Variants in WDR45 observed in about 807,000 individuals in gnomAD.
WDR45 encodes WD repeat domain 45.
WDR45 carries 2 observed loss-of-function variants against 27.3 expected under a neutral mutation model. That is an observed-to-expected ratio of 0.07 (90% CI 0.03 to 0.23). The LOEUF is 0.23. Ranked by LOEUF, WDR45 falls within the 10% of genes least tolerant of loss-of-function variation. The pLI is 1.00. For synonymous variants in WDR45, 99 were observed against 119.2 expected (o/e 0.83, Z 1.11); for missense variants, 175 against 311.9 (o/e 0.56, Z 3.31).
upstream of WDR45, among the ~76,000 whole-genome samples, chrX:49,081,005 C>A (rs1010842252): frequency 1.0e-5 from 1 of 100,496 alleles, no homozygotes; most frequent in Non-Finnish European, 2.0e-5. Flanking sequence ...TCAAGGGATT[C>A]TTCTGCCTCA....
rs1557084004 is a variant in WDR45 at position 49,075,469 on chromosome X, G to C, written c.726-4C>G. On this transcript the variant is annotated splice_polypyrimidine_tract_variant and splice_region_variant and intron_variant, in intron 8 of 10. Transcript: ENST00000376372. ...GGAGTCGTGGCTGAAGTTAATGCTA[G>C]AAGACAGATCAGCAGTGATGCCCAC... is the stretch of plus-strand genomic sequence containing the variant. 8.3e-7 allele frequency: 1 copy of C among 1,210,681 alleles called. No homozygotes were observed. The highest frequency in any genetic ancestry group is 3.0e-5 in the East Asian group (1 of 33,828).
chrX:49,077,119 C>T, intron 4 of WDR45: 1 of 209,943 alleles, frequency 4.8e-6, no homozygotes, highest in East Asian at 1.1e-4. Flanking sequence ...GTGAGGAATC[C>T]TAGGGCTCTG....
At position 49,074,850 on chromosome X, in the gene WDR45, C is replaced by T; in HGVS notation, c.1036G>A (p.Glu346Lys). Reference sequence around the variant, plus strand: ...ATGTCAAGGTACACGTCGAAAGCCTCTCTGTTGCAGTTTCCATCAGGAGTG... The same window carrying T: ...ATGTCAAGGTACACGTCGAAAGCCTTTCTGTTGCAGTTTCCATCAGGAGTG... ...VFTPDGNCNR[E>K]AFDVYLDICD... Residue 346 changes from glutamate to lysine, a missense_variant, in exon 11 of 11, where the codon GAG becomes AAG. Glu to Lys is a moderately conservative substitution (Grantham distance 56). Coordinates refer to ENST00000376372, the MANE Select transcript of WDR45 (RefSeq NM_001029896.2). 1 of 1,211,845 alleles carries T rather than the reference C, an allele frequency of 8.3e-7. No homozygotes were observed. The highest frequency in any genetic ancestry group is 1.1e-6 in the Non-Finnish European group (1 of 895,420).
At chrX:49,076,083 G>A (rs2065035650) in intron 6 of WDR45, 138 bp from the exon 7 acceptor site, 1 of 531,866 alleles carries the variant, frequency 1.9e-6, no homozygotes, top group South Asian at 3.0e-5. Flanking sequence ...GCTCAGCTCA[G>A]CTGCACGCCC....
At chrX:49,086,988 G>A (rs1387747907) in intron 2 of WDR45, among the ~76,000 whole-genome samples, 1 of 110,739 alleles carries the variant, frequency 9.0e-6, no homozygotes, top group Admixed American at 9.7e-5. Flanking sequence ...TCCCAGCCTA[G>A]TTTTATTTTC....
chrX:49,096,456 C>T (rs1255772920), intron 2 of WDR45, among the ~76,000 whole-genome samples: 1 of 112,185 alleles, frequency 8.9e-6, no homozygotes, highest in African/African-American at 3.2e-5. Flanking sequence ...GTCTTGAACT[C>T]TGGAGCTCAA....
chrX:49,090,935 G>T lies in WDR45; in HGVS notation c.-18+9270C>A, dbSNP rs782495620. 2.8e-5 allele frequency among the ~76,000 whole-genome samples: 3 copies of T among 107,216 alleles called. No individual in the cohort carries two copies. In the South Asian group the frequency reaches 1.2e-3, roughly 44 times the overall value. 93.1% of individuals were successfully genotyped at this position (107,216 alleles called of 115,157 possible). ...TGCAACCTCTGCCTCCCAGGTTCAC[G>T]CCATTCTCCTGCCGCAGCCTCCCAA... On this transcript the variant is annotated intron_variant, in intron 2 of 11. Coordinates refer to the WDR45 transcript ENST00000356463.
chrX:49,087,823 G>A (rs916697041), intron 2 of WDR45, among the ~76,000 whole-genome samples: 2 of 112,481 alleles, frequency 1.8e-5, no homozygotes, highest in Non-Finnish European at 3.8e-5. Flanking sequence ...TGTTTTAGCC[G>A]GAGGTTGAGG....
rs1557083997 is a variant in WDR45 at position 49,075,449 on chromosome X, C to T, written c.742G>A (p.Asp248Asn). Residue 248 changes from aspartate (D) to asparagine (N), a missense_variant, in exon 9 of 11, where the codon GAC becomes AAC. By Grantham distance (23) the Asp-to-Asn change is conservative (BLOSUM62 1). This residue lies in a region of WDR45 where 71 missense variants were observed against 123.0 expected (regional missense o/e 0.58). Coordinates refer to ENST00000376372, the MANE Select transcript of WDR45 (RefSeq NM_001029896.2). ...ATLYCINFSH[D>N]SSFLCASSDK... is the part of the protein sequence containing the mutation. ...CTGGAAGCGCAGAGGAAGGAGGAGT[C>T]GTGGCTGAAGTTAATGCTAGAAGAC... 13 of 1,208,322 alleles carry T rather than the reference C, an allele frequency of 1.1e-5. No individual in the cohort carries two copies. In the South Asian group the frequency reaches 1.2e-4, roughly 11 times the overall value.
At chrX:49,090,741 T>A (rs1557086499) in intron 2 of WDR45, among the ~76,000 whole-genome samples, 1 of 109,349 alleles carries the variant, frequency 9.1e-6, no homozygotes, top group Non-Finnish European at 1.9e-5. Flanking sequence ...TTTCACCACA[T>A]TGGCTAGGCT....
chrX:49,084,427 T>C (rs1557085556), upstream of WDR45, among the ~76,000 whole-genome samples: 1 of 108,758 alleles, frequency 9.2e-6, no homozygotes, highest in Non-Finnish European at 1.9e-5. Context: ...TGGTGGCTCA[T>C]GCCTGTAATC....
At chrX:49,078,394 C>T (rs896352081) in intron 1 of WDR45, among the ~76,000 whole-genome samples, 1 of 111,940 alleles carries the variant, frequency 8.9e-6, no homozygotes, top group Non-Finnish European at 1.9e-5. Flanking sequence ...TGGTGGGGGG[C>T]ACCTATAATC....
At chrX:49,094,894 C>G (rs1018141318) in intron 2 of WDR45, among the ~76,000 whole-genome samples, 8 of 109,819 alleles carry the variant, frequency 7.3e-5, no homozygotes, top group Non-Finnish European at 1.5e-4. Flanking sequence ...TGTGCAAGAC[C>G]AGCTTGGCCC....
At chrX:49,092,213 AT>A (rs2065110042) in intron 2 of WDR45, among the ~76,000 whole-genome samples, 1 of 107,670 alleles carries the variant, frequency 9.3e-6, no homozygotes, top group Non-Finnish European at 1.9e-5. Context: ...TTTGTATGCT[AT>A]AGTAACAAAG....
intron 4 of WDR45, chrX:49,077,376 A>G (rs1382909962): frequency 2.4e-6 from 1 of 410,784 alleles, no homozygotes; most frequent in African/African-American, 2.5e-5. Flanking sequence ...TAAATGAGTT[A>G]ATAAACGTAA....
At chrX:49,097,127 T>C (rs2065128300) in intron 2 of WDR45, among the ~76,000 whole-genome samples, 1 of 111,982 alleles carries the variant, frequency 8.9e-6, no homozygotes, top group South Asian at 3.6e-4. Context: ...TTAGCATTTG[T>C]ACTTTTCAAA....
chrX:49,094,556 G>GA (rs782712150), intron 2 of WDR45, among the ~76,000 whole-genome samples: 2 of 110,640 alleles, frequency 1.8e-5, no homozygotes, highest in South Asian at 7.7e-4. Context: ...ATACTCTAGA[G>GA]ATGTCATTAC....
At chrX:49,087,882 G>C (rs925296442) in intron 2 of WDR45, among the ~76,000 whole-genome samples, 1 of 112,522 alleles carries the variant, frequency 8.9e-6, no homozygotes, top group African/African-American at 3.2e-5. Flanking sequence ...GGGCAACAGA[G>C]CGAGACCCAG....
intron 1 of WDR45, among the ~76,000 whole-genome samples, chrX:49,079,282 C>T (rs1222472769): frequency 2.2e-5 from 2 of 91,801 alleles, no homozygotes; most frequent in Non-Finnish European, 4.2e-5. Context: ...CTATCCAAGA[C>T]CCCGCCCCAG....
Sources: allele counts gnomAD v4.1 joint callset (sites outside exome capture counted in the v4.1 genomes callset), GRCh38; gene constraint gnomAD v4.1.1; regional missense constraint gnomAD v4.1.1; transcripts MANE v1.5; gene names NCBI Gene and HGNC (gene_info 2026-07-23, HGNC 2026-07-21).